PBX4: variants seen among roughly 807,000 people sequenced by gnomAD.
The protein encoded by PBX4 is pre-B-cell leukemia transcription factor 4.
Under a neutral mutation model 35.1 loss-of-function variants are expected in PBX4, and 26 were observed. The observed-to-expected ratio is 0.74, with a 90% confidence interval of 0.54 to 1.03. The LOEUF (loss-of-function observed/expected upper bound fraction) is 1.03. Ranked by LOEUF, PBX4 falls within the 50% of genes least tolerant of loss-of-function variation. The probability of loss-of-function intolerance (pLI) is 0.00; values close to 1 mark genes in which losing one functional copy is unlikely to be tolerated. For synonymous variants in PBX4, 199 were observed against 204.2 expected (o/e 0.97, Z 0.22); for missense variants, 448 against 504.3 (o/e 0.89, Z 1.07).
intron 6 of PBX4, among the ~76,000 whole-genome samples, chr19:19,564,519 T>C (rs1568376195): frequency 6.6e-6 from 1 of 152,116 alleles, no homozygotes; most frequent in Non-Finnish European, 1.5e-5. Context: ...CGCCTCGGCC[T>C]GGGATTACAG....
At chr19:19,615,629 C>T (rs948486325) in intron 1 of PBX4, among the ~76,000 whole-genome samples, 4 of 152,258 alleles carry the variant, frequency 2.6e-5, no homozygotes, top group Middle Eastern at 3.4e-3. Flanking sequence ...CAGTAGTTCA[C>T]GCCTGTAATC....
chr19:19,596,622 T>C (rs971716664), intron 2 of PBX4, among the ~76,000 whole-genome samples: 9 of 151,916 alleles, frequency 5.9e-5, no homozygotes, highest in African/African-American at 1.5e-4. Flanking sequence ...CCTTAGAGAA[T>C]TGGGTGAAGC....
intron 2 of PBX4, among the ~76,000 whole-genome samples, chr19:19,598,171 A>G (rs924097616): frequency 6.6e-6 from 1 of 152,136 alleles, no homozygotes; most frequent in Non-Finnish European, 1.5e-5. Context: ...CATTGTACTC[A>G]GCGTAATTTC....
rs1467183289 is a variant in PBX4, at chr19:19,563,779, C to A, written c.926-164G>T. ...CCCAGGCAGGCCAGCGGGCCCTCCC[C>A]ACCACACTACTCATGTCCCCTCATG... On this transcript the variant is annotated intron_variant, in intron 6 of 7. Coordinates refer to ENST00000251203, the MANE Select transcript of PBX4 (RefSeq NM_025245.3). The surrounding 1 kb of genome is among the most constrained non-coding windows in gnomAD (Gnocchi z 5.1). 1 of 645,672 alleles carries A rather than the reference C, an allele frequency of 1.5e-6. No individual in the cohort carries two copies. The highest frequency in any genetic ancestry group is 2.8e-6 in the Non-Finnish European group (1 of 353,256). 40.0% of individuals were successfully genotyped at this position (645,672 alleles called of 1,614,324 possible). A position where few individuals can be genotyped will look rare whatever the true frequency, so the allele number is the denominator to read the frequency against.
chr19:19,588,423 C>G (rs896031298), intron 2 of PBX4: 2 of 1,243,358 alleles, frequency 1.6e-6, no homozygotes, highest in Non-Finnish European at 2.3e-6. Flanking sequence ...CCATAGTTCC[C>G]AACTAAGCTG....
chr19:19,604,940 C>G (rs553967295), intron 1 of PBX4, among the ~76,000 whole-genome samples: 1 of 151,856 alleles, frequency 6.6e-6, no homozygotes, highest in African/African-American at 2.4e-5. Flanking sequence ...ATTGATCACA[C>G]GAGATATTCA....
At chr19:19,599,417 G>T in intron 1 of PBX4, 52 bp from the exon 2 acceptor site, 1 of 1,465,594 alleles carries the variant, frequency 6.8e-7, no homozygotes, top group Non-Finnish European at 9.5e-7. Context: ...TCATCATCTT[G>T]TCCCCAAGAG....
Position 19,562,893 on chromosome 19 carries a change from G to A in PBX4, c.1032+616C>T, listed in dbSNP as rs2061316700. Among the ~76,000 whole-genome samples, 2 of 152,188 alleles carry A rather than the reference G, an allele frequency of 1.3e-5. No homozygotes were observed. The highest frequency in any genetic ancestry group is 3.2e-3 in the Middle Eastern group (1 of 316). On this transcript the variant is annotated intron_variant, in intron 7 of 7. Coordinates refer to ENST00000251203, the MANE Select transcript of PBX4 (RefSeq NM_025245.3). The surrounding 1 kb of genome is among the most constrained non-coding windows in gnomAD (Gnocchi z 4.8). ...CTGCCACAGCAGGACAGTGTGGGAC[G>A]TGTGCTTCCCAGGACCAGGTGGGAC...
In PBX4 at chr19:19,615,399, C is replaced by G. The variant is rs576090239; in HGVS notation, c.119+3112G>C. Among the ~76,000 whole-genome samples the G allele has an allele frequency of 6.6e-5, 10 of 151,250 alleles. No individual in the cohort carries two copies. In the South Asian group the frequency reaches 8.3e-4, roughly 13 times the overall value. On this transcript the variant is annotated intron_variant, in intron 1 of 7. Coordinates refer to ENST00000251203, the MANE Select transcript of PBX4 (RefSeq NM_025245.3). ...TATGGTGACAAGGACTCTAATTTCTCAAACAGAGCATCTGAAACTACAAAA... is the reference window on the plus strand; with the variant it reads ...TATGGTGACAAGGACTCTAATTTCTGAAACAGAGCATCTGAAACTACAAAA...
chr19:19,584,405 A>G (rs1347960368), intron 2 of PBX4, among the ~76,000 whole-genome samples: 1 of 152,156 alleles, frequency 6.6e-6, no homozygotes, highest in Admixed American at 6.6e-5. Context: ...TCCTCGGCTC[A>G]GACCAGCAGG....
intron 2 of PBX4, among the ~76,000 whole-genome samples, chr19:19,593,013 G>T (rs1056415147): frequency 6.6e-6 from 1 of 152,190 alleles, no homozygotes; most frequent in African/African-American, 2.4e-5. Flanking sequence ...TCTGCCCGAG[G>T]CTGTGCAGGG....
In PBX4 at chr19:19,570,572, T is replaced by C. The variant is rs1350774296; in HGVS notation, c.441+14A>G. 1.9e-6 allele frequency: 3 copies of C among 1,610,424 alleles called. No individual in the cohort carries two copies. The highest frequency in any genetic ancestry group is 2.5e-6 in the Non-Finnish European group (3 of 1,176,890). The stretch of plus-strand genomic sequence containing the variant: ...CATTCACATGACAGAAACTCTTCCA[T>C]GCAGAAAGATCACCTGTTCATATTT... On this transcript the variant is annotated intron_variant, in intron 3 of 7. Transcript: ENST00000251203.
rs545565884 is a variant in PBX4, at chr19:19,564,935, G to T, written c.923C>A (p.Ser308Tyr). Reference sequence around the variant, plus strand: ...GTCCCTGGGCCAGCCTCACTCACCGGAGCTAGGTGTTGACAGGCAGCTGGC... The same window carrying T: ...GTCCCTGGGCCAGCCTCACTCACCGTAGCTAGGTGTTGACAGGCAGCTGGC... ...NHASCLSTPS[S>Y]GSSGPFPLPS... The change falls in exon 6 of 8, where the codon TCC becomes TAC. Residue 308 changes from serine to tyrosine, a missense_variant and splice_region_variant. Physicochemically the swap from Ser to Tyr is moderately radical, Grantham distance 144. Coordinates refer to ENST00000251203, the MANE Select transcript of PBX4 (RefSeq NM_025245.3). 7 of 1,614,240 alleles carry T rather than the reference G, an allele frequency of 4.3e-6. No individual in the cohort carries two copies. In the East Asian group the frequency reaches 1.6e-4, roughly 36 times the overall value.
chr19:19,613,327 G>T (rs1203636951), intron 1 of PBX4, among the ~76,000 whole-genome samples: 1 of 151,422 alleles, frequency 6.6e-6, no homozygotes, highest in Non-Finnish European at 1.5e-5. Context: ...AATTAGCCGG[G>T]CGTGGTGGCA....
chr19:19,618,369 CA>C (rs1264024266), intron 1 of PBX4, 141 bp downstream of exon 1: 4 of 717,556 alleles, frequency 5.6e-6, no homozygotes, highest in African/African-American at 1.9e-5. Context: ...GTTTGAACCC[CA>C]TACATCCCTT....
rs753480480 is a variant in PBX4, at chr19:19,563,482, C to G, written c.1032+27G>C. 6.7e-7 allele frequency: 1 copy of G among 1,495,098 alleles called. No individual in the cohort carries two copies. Among genetic ancestry groups the G allele is most frequent in the South Asian group, 1.2e-5 (1 of 80,470 alleles). The allele number at this position is 1,495,098 out of a possible 1,614,324, so 92.6% of individuals were successfully genotyped here. A position where few individuals can be genotyped will look rare whatever the true frequency, so the allele number is the denominator to read the frequency against. ...TCTGAGAACCTACCACCCACCTGGG[C>G]GCTGTGGGACAGTGCCTGAGACTCA... On this transcript the variant is annotated intron_variant, in intron 7 of 7. Transcript: ENST00000251203. This position sits in a 1 kb window ranked among gnomAD's most constrained non-coding sequence, Gnocchi z 5.1.
At chr19:19,575,460 C>CTCCTCCTAATA (rs1481405804) in intron 2 of PBX4, among the ~76,000 whole-genome samples, 4 of 152,106 alleles carry the variant, frequency 2.6e-5, no homozygotes, top group African/African-American at 9.7e-5. Flanking sequence ...TAATAACCCT[C>CTCCTCCTAATA]CCCTCTCCTC....
chr19:19,568,169 C>G (rs1046776874), intron 5 of PBX4, among the ~76,000 whole-genome samples: 16 of 147,858 alleles, frequency 1.1e-4, no homozygotes, highest in Non-Finnish European at 2.1e-4. Context: ...AGCTCACACT[C>G]CATCTGTATC....
intron 1 of PBX4, among the ~76,000 whole-genome samples, chr19:19,613,681 G>A (rs578249678): frequency 1.8e-4 from 27 of 152,234 alleles, no homozygotes; most frequent in African/African-American, 6.0e-4. Context: ...CTCTGCCTCT[G>A]CGGTGACATT....
Sources: gnomAD v4.1 joint callset for allele counts (sites outside exome capture counted in the v4.1 genomes callset) on GRCh38, gnomAD v4.1.1 for gene constraint, Gnocchi (gnomAD v3.1) non-coding constraint, MANE v1.5 for transcripts, NCBI Gene and HGNC (gene_info 2026-07-23, HGNC 2026-07-21) for gene names.